The following VIL1 variants were observed in gnomAD, a reference collection of about 807,000 sequenced individuals.
The protein encoded by VIL1 is villin-1.
VIL1 carries 86 observed loss-of-function variants against 104.0 expected under a neutral mutation model. The ratio of observed to expected loss-of-function variants is 0.83; its 90% CI spans 0.69 to 0.99. The LOEUF (loss-of-function observed/expected upper bound fraction) is 0.99. Ranked by LOEUF, VIL1 falls within the 50% of genes least tolerant of loss-of-function variation. VIL1 has a pLI of 0.00. For missense variants in VIL1, 944 were observed against 1,054.1 expected (o/e 0.90, Z 1.45); for synonymous variants, 394 against 412.6 (o/e 0.95, Z 0.55).
At chr2:218,432,304 CAAG>C (rs1689113960) in intron 12 of VIL1, 121 bp downstream of exon 12, 1 of 1,432,358 alleles carries the variant, frequency 7.0e-7, no homozygotes, top group Non-Finnish European at 9.4e-7. Context: ...CTCACCCCTT[CAAG>C]AAGGACTGCT....
chr2:218,432,795 C>A lies in VIL1; in HGVS notation c.1344C>A (p.Gly448=), dbSNP rs1391472023. The change falls in exon 13 of 20, where the codon GGC becomes GGA. Residue 448 remains glycine, a splice_region_variant and synonymous_variant. Coordinates refer to ENST00000248444, the MANE Select transcript of VIL1 (RefSeq NM_007127.3). The stretch of plus-strand genomic sequence containing the variant: ...CACTCCCTCCTGCTCATCCCCAGGG[C>A]AGCCAGGCCAGCCAAGATGAAATTA... ...KQHYLLYVWQ[G]SQASQDEITA... 6.2e-7 allele frequency: 1 copy of A among 1,614,034 alleles called. No individual in the cohort carries two copies. The highest frequency in any genetic ancestry group is 1.1e-5 in the South Asian group (1 of 91,074).
chr2:218,440,327 T>C (rs1438735459), intron 18 of VIL1, among the ~76,000 whole-genome samples: 1 of 152,188 alleles, frequency 6.6e-6, no homozygotes. Context: ...TGAAGTGCAG[T>C]GGCGCAATCT....
At chr2:218,447,115 C>T (rs73990481) in intron 19 of VIL1, among the ~76,000 whole-genome samples, 6,107 of 152,188 alleles carry the variant, frequency 0.04, 393 homozygotes, top group African/African-American at 0.14. Flanking sequence ...CATTCAAATC[C>T]GCCTCAGTTC....
chr2:218,436,615 G>A lies in VIL1; in HGVS notation c.1960G>A (p.Val654Ile). ...LEEDDVFLLD[V>I]WDQVFFWIGK... ...AGAGGATGATGTGTTCCTACTAGAT[G>A]TCTGGGACCAGGTAGGACCAAGGGC... Residue 654 changes from valine (V) to isoleucine (I), a missense_variant, in exon 16 of 20, where the codon GTC becomes ATC. Physicochemically the swap from Val to Ile is conservative, Grantham distance 29. Coordinates refer to ENST00000248444, the MANE Select transcript of VIL1 (RefSeq NM_007127.3). 7 of 1,614,046 alleles carry A rather than the reference G, an allele frequency of 4.3e-6. No homozygotes were observed. Among genetic ancestry groups the A allele is most frequent in the South Asian group, 1.1e-5 (1 of 91,062 alleles).
At chr2:218,441,094 G>A (rs988237648) in intron 19 of VIL1, among the ~76,000 whole-genome samples, 2 of 152,040 alleles carry the variant, frequency 1.3e-5, no homozygotes, top group African/African-American at 4.8e-5. Flanking sequence ...GCTGTGAAGA[G>A]TATTACAAAC....
At chr2:218,425,088 T>G (rs1251354684) in intron 3 of VIL1, among the ~76,000 whole-genome samples, 1 of 151,818 alleles carries the variant, frequency 6.6e-6, no homozygotes, top group African/African-American at 2.4e-5. Context: ...TATTTATTAT[T>G]ATTATTTTTT....
rs372807005 is a variant in VIL1, at chr2:218,437,153, C to T, written c.2001C>T (p.Asn667=). 3.0e-5 allele frequency: 49 copies of T among 1,613,972 alleles called. No individual in the cohort carries two copies. The highest frequency in any genetic ancestry group is 2.3e-4 in the African/African-American group (17 of 74,904). The change falls in exon 17 of 20, where the codon AAC becomes AAT. Residue 667 remains asparagine (N), a synonymous_variant. Transcript: ENST00000248444. ...TCTTCTGGATTGGGAAACATGCCAACGAGGAGGAGAAGAAGGCCGCAGCAA... is the reference window on the plus strand; with the variant it reads ...TCTTCTGGATTGGGAAACATGCCAATGAGGAGGAGAAGAAGGCCGCAGCAA... The part of the protein sequence containing the change: ...QVFFWIGKHA[N]EEEKKAAATT...
chr2:218,430,242 A>G (rs984985627), intron 9 of VIL1, among the ~76,000 whole-genome samples: 5 of 151,990 alleles, frequency 3.3e-5, no homozygotes, highest in Non-Finnish European at 5.9e-5. Context: ...CTGAGTTTGG[A>G]GAAGGGAAGG....
Position 218,449,479 on chromosome 2 carries a change from G to A in VIL1, c.*143G>A, listed in dbSNP as rs1289287893. ...AACTTCTGTGGCAAATGCCAGTTTT[G>A]TTTAATAATGTACCTATTCCTTCAG... On this transcript the variant is annotated 3_prime_UTR_variant, in exon 20 of 20. Coordinates refer to ENST00000248444, the MANE Select transcript of VIL1 (RefSeq NM_007127.3). The A allele has an allele frequency of 1.3e-5, 8 of 637,592 alleles. No homozygotes were observed. The highest frequency in any genetic ancestry group is 5.6e-5 in the East Asian group (2 of 35,608). The allele number at this position is 637,592 out of a possible 1,614,324, so 39.5% of individuals were successfully genotyped here.
At chr2:218,445,127 G>A (rs192840649) in intron 19 of VIL1, among the ~76,000 whole-genome samples, 7 of 152,252 alleles carry the variant, frequency 4.6e-5, no homozygotes, top group South Asian at 2.1e-4. Flanking sequence ...AGCCGAGTGC[G>A]GTGGCTCATG....
intron 18 of VIL1, 140 bp from the exon 19 acceptor site, chr2:218,440,582 A>T: frequency 1.0e-6 from 1 of 1,003,268 alleles, no homozygotes. Flanking sequence ...TGTTGTTCTT[A>T]TGAGTGTGTG....
chr2:218,440,922 T>G, intron 19 of VIL1, 60 bp downstream of exon 19: 3 of 1,595,010 alleles, frequency 1.9e-6, no homozygotes, highest in Non-Finnish European at 2.6e-6. Context: ...CATAGTTGAC[T>G]CCCAGATTTG....
intron 13 of VIL1, among the ~76,000 whole-genome samples, chr2:218,433,901 GAA>G (rs35518584): frequency 2.5e-5 from 3 of 118,484 alleles, no homozygotes; most frequent in Non-Finnish European, 5.3e-5. Context: ...CCGTCTCAAG[GAA>G]AAAAAAAAAA....
chr2:218,425,884 A>C, intron 4 of VIL1, 73 bp downstream of exon 4: 1 of 1,486,450 alleles, frequency 6.7e-7, no homozygotes, highest in Admixed American at 2.0e-5. Context: ...GCTGAGCTGA[A>C]GAGGCAGGGA....
intron 10 of VIL1, among the ~76,000 whole-genome samples, chr2:218,431,523 C>G (rs1689098238): frequency 6.6e-6 from 1 of 152,088 alleles, no homozygotes; most frequent in African/African-American, 2.4e-5. Context: ...TGTACAGCCC[C>G]CAACATTGCA....
chr2:218,430,821 T>C lies in VIL1; in HGVS notation c.1045T>C (p.Trp349Arg). 1 of 1,613,780 alleles carries C rather than the reference T, an allele frequency of 6.2e-7. No homozygotes were observed. The highest frequency in any genetic ancestry group is 8.5e-7 in the Non-Finnish European group (1 of 1,179,908). The change falls in exon 10 of 20, where the codon TGG (tryptophan) becomes CGG (arginine). Residue 349 changes from tryptophan to arginine, a missense_variant. Transcript: ENST00000248444. ...CGTCTTTCAGCAGCTCTTCCAGAAGTGGACAGCGTCCAACCGGACCTCAGG... is the reference window on the plus strand; with the variant it reads ...CGTCTTTCAGCAGCTCTTCCAGAAGCGGACAGCGTCCAACCGGACCTCAGG... ...SAVFQQLFQK[W>R]TASNRTSGLG...
chr2:218,445,269 G>A (rs775116235), intron 19 of VIL1, among the ~76,000 whole-genome samples: 6 of 152,024 alleles, frequency 3.9e-5, no homozygotes, highest in East Asian at 1.9e-4. Context: ...GTGTGGTGGC[G>A]TGCACCTGTA....
At chr2:218,441,313 C>T (rs1456677523) in intron 19 of VIL1, among the ~76,000 whole-genome samples, 1 of 151,528 alleles carries the variant, frequency 6.6e-6, no homozygotes, top group Non-Finnish European at 1.5e-5. Flanking sequence ...TGCTTGAACC[C>T]GGGAGGTGGA....
At chr2:218,443,663 G>GTT (rs561077279) in intron 19 of VIL1, among the ~76,000 whole-genome samples, 2 of 150,422 alleles carry the variant, frequency 1.3e-5, no homozygotes, top group African/African-American at 2.4e-5. Flanking sequence ...GTTTTCTGTG[G>GTT]TTTTTTTTTG....
Sources: gnomAD v4.1 joint callset for allele counts (sites outside exome capture counted in the v4.1 genomes callset) on GRCh38, gnomAD v4.1.1 for gene constraint, MANE v1.5 for transcripts, NCBI Gene and HGNC (gene_info 2026-07-23, HGNC 2026-07-21) for gene names.